Variants in RSPH14 observed in about 807,000 individuals in gnomAD.
RSPH14 encodes the protein radial spoke head 14 homolog.
RSPH14 carries 20 observed loss-of-function variants against 26.7 expected under a neutral mutation model. The observed-to-expected ratio is 0.75, with a 90% CI of 0.53 to 1.09. The LOEUF is 1.09. Among genes scored for constraint, RSPH14 ranks in the 50% least tolerant of loss-of-function variants. RSPH14 has a pLI of 0.00. For synonymous variants in RSPH14, 177 were observed against 189.3 expected, an observed-to-expected ratio of 0.93 and a Z score of 0.53; for missense variants, 449 against 457.2, an observed-to-expected ratio of 0.98 and a Z score of 0.16.
chr22:23,080,428 G>A (rs1317321605), intron 4 of RSPH14, among the ~76,000 whole-genome samples: 13 of 152,324 alleles, frequency 8.5e-5, no homozygotes. Context: ...CCCAGCCGGG[G>A]CATAGCCTGG....
chr22:23,082,124 CA>C (rs1312552241), intron 4 of RSPH14, among the ~76,000 whole-genome samples: 1 of 65,256 alleles, frequency 1.5e-5, no homozygotes, highest in Non-Finnish European at 2.9e-5. Flanking sequence ...GACTCCGCCT[CA>C]AAAAAAAAAC....
chr22:23,110,561 C>T (rs1165091186), intron 4 of RSPH14, among the ~76,000 whole-genome samples: 1 of 152,216 alleles, frequency 6.6e-6, no homozygotes. Flanking sequence ...CTACCAGAGA[C>T]CCTCTCCCAC....
chr22:23,121,323 G>T (rs1055335533), intron 4 of RSPH14, among the ~76,000 whole-genome samples: 1 of 152,196 alleles, frequency 6.6e-6, no homozygotes, highest in Non-Finnish European at 1.5e-5. Context: ...GTACCTCTGG[G>T]TATCCTTCCT....
chr22:23,129,640 G>A (rs910040464), intron 4 of RSPH14, among the ~76,000 whole-genome samples: 15 of 152,044 alleles, frequency 9.9e-5, no homozygotes, highest in African/African-American at 3.6e-4. Context: ...AAACTGCTAA[G>A]GCTGGGCATG....
At chr22:23,139,796 TCA>T (rs1192225940) in intron 2 of RSPH14, among the ~76,000 whole-genome samples, 1 of 152,162 alleles carries the variant, frequency 6.6e-6, no homozygotes, top group Non-Finnish European at 1.5e-5. Flanking sequence ...GTGTGATGGC[TCA>T]CACATATAAT....
chr22:23,059,757 G>T, intron 6 of RSPH14, 39 bp from the exon 7 acceptor site: 2 of 1,494,656 alleles, frequency 1.3e-6, no homozygotes, highest in Non-Finnish European at 8.9e-7. Flanking sequence ...AACAGCCCAA[G>T]GGGCCCTCTT....
At chr22:23,148,362 G>A (rs944667504), upstream of RSPH14, among the ~76,000 whole-genome samples, 1 of 152,160 alleles carries the variant, frequency 6.6e-6, no homozygotes, top group Non-Finnish European at 1.5e-5. Flanking sequence ...AAGTGTGATT[G>A]GCACAAAACA....
chr22:23,061,734 C>CAAA, intron 6 of RSPH14, 75 bp downstream of exon 6: 1 of 1,584,566 alleles, frequency 6.3e-7, no homozygotes, highest in Non-Finnish European at 8.6e-7. Context: ...ATACCCAGCC[C>CAAA]CTGAGTACAG....
chr22:23,076,347 G>A lies in RSPH14; in HGVS notation c.422-12214C>T, dbSNP rs117881605. On this transcript the variant is annotated intron_variant, in intron 4 of 6. Transcript: ENST00000216036. ...AATCGCCACCCAGGGAGTCGCTGTG[G>A]AGGGACTGAATATTCGCAGACAGTC... Among the ~76,000 whole-genome samples, 389 of 152,344 alleles carry A rather than the reference G, an allele frequency of 2.6e-3. 1 individual carries two copies. The highest frequency in any genetic ancestry group is 3.9e-3 in the Non-Finnish European group (264 of 68,024).
chr22:23,093,060 C>CA (rs1412684973), intron 4 of RSPH14, among the ~76,000 whole-genome samples: 1 of 152,216 alleles, frequency 6.6e-6, no homozygotes, highest in East Asian at 1.9e-4. Context: ...AGGGAGCAGC[C>CA]ACAGGGTCTC....
At chr22:23,153,477 G>T in the RSPH14 span, 2 of 726,472 alleles carry the variant, frequency 2.8e-6, no homozygotes, top group Non-Finnish European at 1.7e-6. Flanking sequence ...CAGGCCAGCA[G>T]GGTGGCCTCC....
At chr22:23,175,880 C>T in the RSPH14 span, among the ~76,000 whole-genome samples, 1 of 152,240 alleles carries the variant, frequency 6.6e-6, no homozygotes, top group Non-Finnish European at 1.5e-5. Context: ...CAGCATGAGG[C>T]TCTGCCTTCT....
chr22:23,091,676 G>A (rs1858747), intron 4 of RSPH14, among the ~76,000 whole-genome samples: 52,063 of 151,254 alleles, frequency 0.34, 9,691 homozygotes, highest in African/African-American at 0.51. Flanking sequence ...ACACACCACA[G>A]TGGACCTGCA....
In RSPH14 at chr22:23,086,994, G is replaced by A. The variant is rs150194722; in HGVS notation, c.422-22861C>T. Among the ~76,000 whole-genome samples, 137 of 152,372 alleles carry A rather than the reference G, an allele frequency of 9.0e-4. No homozygotes were observed. In the East Asian group the frequency reaches 0.019, roughly 21 times the overall value. On this transcript the variant is annotated intron_variant, in intron 4 of 6. Transcript: ENST00000216036. ...GTCAGCTGGAAGCACATGCGGCTCC[G>A]ATAAGTCGGGCGTAAAAGGGCAGTG...
At chr22:23,094,351 G>T (rs899196095) in intron 4 of RSPH14, among the ~76,000 whole-genome samples, 7 of 152,020 alleles carry the variant, frequency 4.6e-5, no homozygotes, top group Admixed American at 4.6e-4. Flanking sequence ...AGTCACAGGG[G>T]CATCCTAGGG....
chr22:23,097,176 TG>T (rs949208364), intron 4 of RSPH14, among the ~76,000 whole-genome samples: 10 of 151,704 alleles, frequency 6.6e-5, no homozygotes, highest in Non-Finnish European at 1.2e-4. Flanking sequence ...ACCCTGGGGA[TG>T]GGGGAGTGGG....
chr22:23,059,438 C>T lies in RSPH14; in HGVS notation c.*24G>A, dbSNP rs1158812444. ...GATAAAGAGACTTAGCACATTTATT[C>T]ACTCACAGAGGTGAATGAAGGGCTC... On this transcript the variant is annotated 3_prime_UTR_variant, in exon 7 of 7. Transcript: ENST00000216036. 2 of 1,563,100 alleles carry T rather than the reference C, an allele frequency of 1.3e-6. No individual in the cohort carries two copies. The highest frequency in any genetic ancestry group is 1.7e-6 in the Non-Finnish European group (2 of 1,150,446).
chr22:23,090,893 T>G (rs1214123239), intron 4 of RSPH14, among the ~76,000 whole-genome samples: 1 of 152,192 alleles, frequency 6.6e-6, no homozygotes, highest in Non-Finnish European at 1.5e-5. Context: ...TCTGCCTCAT[T>G]CAGCAGCCCC....
At chr22:23,160,915 C>A in the RSPH14 span, 2 of 1,613,806 alleles carry the variant, frequency 1.2e-6, no homozygotes, top group African/African-American at 2.7e-5. Flanking sequence ...CGCGTAGCCG[C>A]CCTGGCATTC....
Sources: allele counts gnomAD v4.1 joint callset (sites outside exome capture counted in the v4.1 genomes callset), GRCh38; gene constraint gnomAD v4.1.1; transcripts MANE v1.5; gene names NCBI Gene and HGNC (gene_info 2026-07-23, HGNC 2026-07-21).